RNF207: variants seen among roughly 807,000 people sequenced by gnomAD.
The protein encoded by RNF207 is OTTHUMG00000001089.
RNF207 carries 72 observed loss-of-function variants against 79.0 expected under a neutral mutation model. The ratio of observed to expected loss-of-function variants is 0.91; its 90% CI spans 0.75 to 1.11. The LOEUF (loss-of-function observed/expected upper bound fraction) is 1.11, where lower values mean the gene tolerates loss of function less well. Among genes scored for constraint, RNF207 ranks in the 50% least tolerant of loss-of-function variants. RNF207 has a pLI of 0.00. For missense variants in RNF207, 936 were observed against 855.8 expected (o/e 1.09, Z -1.17); for synonymous variants, 348 against 366.2 (o/e 0.95, Z 0.57).
chr1:6,212,585 G>T, intron 14 of RNF207, 97 bp from the exon 15 acceptor site: 6 of 1,281,932 alleles, frequency 4.7e-6, no homozygotes, highest in Non-Finnish European at 6.8e-6. Context: ...GGACCTGGCT[G>T]GGGGGTGCTT....
rs1668056170 is a variant in RNF207, at chr1:6,209,337, G to A, written c.621G>A (p.Ala207=). Residue 207 remains alanine, a synonymous_variant, in exon 6 of 18, where the codon GCG becomes GCA. Transcript: ENST00000377939. ...AGGGCTGCGAGCGGCTGGAGCAGGC[G>A]GTGCTGGTGAGCGCAGGGGCCTGGC... ...YVQGCERLEQ[A]VLAVKALQTA... The A allele has an allele frequency of 6.5e-7, 1 of 1,544,238 alleles. No individual in the cohort carries two copies. Among genetic ancestry groups the A allele is most frequent in the Non-Finnish European group, 8.7e-7 (1 of 1,146,296 alleles).
At chr1:6,209,387 G>C in intron 6 of RNF207, 27 bp from the exon 7 acceptor site, 2 of 1,524,916 alleles carry the variant, frequency 1.3e-6, no homozygotes, top group Non-Finnish European at 1.8e-6. Flanking sequence ...GGCGGCGATC[G>C]CGAGCCTGAC....
chr1:6,206,948 T>C (rs1229112776), intron 2 of RNF207, among the ~76,000 whole-genome samples: 1 of 152,186 alleles, frequency 6.6e-6, no homozygotes, highest in African/African-American at 2.4e-5. Flanking sequence ...TTGCAGTTAC[T>C]GGCCCAAGAC....
At position 6,206,793 on chromosome 1, in the gene RNF207, C is replaced by A; in HGVS notation, c.191+67C>A. On this transcript the variant is annotated intron_variant, in intron 2 of 17. Transcript: ENST00000377939. ...CCCCGGGCCCAAGGTTGGCTCTGCC[C>A]GAGCTGGGACCCAGGTGCCAGGAGA... 2.2e-6 allele frequency: 3 copies of A among 1,373,092 alleles called. No individual in the cohort carries two copies. In the South Asian group the frequency reaches 3.9e-5, roughly 18 times the overall value. The allele number at this position is 1,373,092 out of a possible 1,614,324, so 85.1% of individuals were successfully genotyped here.
chr1:6,219,389 G>C lies in RNF207; in HGVS notation c.1887G>C (p.Trp629Cys). The C allele has an allele frequency of 1.2e-6, 2 of 1,607,730 alleles. No individual in the cohort carries two copies. Among genetic ancestry groups the C allele is most frequent in the Non-Finnish European group, 8.5e-7 (1 of 1,177,330 alleles). Reference protein sequence around the residue: ...KQKNGGDVPTWREHPT With the variant: ...KQKNGGDVPTCREHPT ...AAAATGGGGGCGATGTCCCCACATGGAGGGAACACCCGACTTAGCAAATGG... is the reference window on the plus strand; with the variant it reads ...AAAATGGGGGCGATGTCCCCACATGCAGGGAACACCCGACTTAGCAAATGG... The change falls in exon 18 of 18, where the codon TGG becomes TGC. Residue 629 changes from tryptophan to cysteine, a missense_variant. Coordinates refer to ENST00000377939, the MANE Select transcript of RNF207 (RefSeq NM_207396.3).
rs780767966 is a variant in RNF207, at chr1:6,218,301, C to T, written c.1665C>T (p.Pro555=). The part of the protein sequence containing the change: ...KERLEPRFQA[P]VDEQSESLQN... ...ACTCCCTTGCCAGGTTTCAGGCACC[C>T]GTGGATGAGCAGTCAGAGAGTCTAC... Residue 555 remains proline (P), a synonymous_variant, in exon 17 of 18, where the codon CCC becomes CCT. Transcript: ENST00000377939. The T allele has an allele frequency of 8.7e-6, 14 of 1,613,616 alleles. No individual in the cohort carries two copies. Among genetic ancestry groups the T allele is most frequent in the African/African-American group, 2.7e-5 (2 of 74,926 alleles).
In RNF207 at chr1:6,209,936, G is replaced by A; in HGVS notation, c.766G>A (p.Glu256Lys). Residue 256 changes from glutamate (E) to lysine (K), a missense_variant, in exon 8 of 18, where the codon GAG becomes AAG. By Grantham distance (56) the Glu-to-Lys change is moderately conservative (BLOSUM62 1). Transcript: ENST00000377939. The part of the protein sequence containing the change: ...LFGSMQDRLA[E>K]RKALLLQAVQ... ...CCATCTCTCCCAGGACAGGCTGGCA[G>A]AGAGGAAAGCGCTGCTGCTGCAGGC... 6.3e-7 allele frequency: 1 copy of A among 1,592,062 alleles called. No individual in the cohort carries two copies. Among genetic ancestry groups the A allele is most frequent in the South Asian group, 1.1e-5 (1 of 88,574 alleles).
At chr1:6,218,020 C>A (rs998705103) in intron 16 of RNF207, among the ~76,000 whole-genome samples, 1 of 152,262 alleles carries the variant, frequency 6.6e-6, no homozygotes, top group African/African-American at 2.4e-5. Context: ...CTGCCTGGCG[C>A]CCTGCACCAC....
chr1:6,209,065 G>GGGGGGGGGGGGGGGGGGGGGGGGGGGC, intron 4 of RNF207, 40 bp downstream of exon 4: 1 of 828,578 alleles, frequency 1.2e-6, no homozygotes. Flanking sequence ...GGGGGTGGGG[G>GGGGGGGGGGGGGGGGGGGGGGGGGGGC]CGGGGCGGGC....
chr1:6,206,561 T>A lies in RNF207; in HGVS notation c.26T>A (p.Leu9Gln), dbSNP rs369840055. MSGAIFGP[L>Q]EGPSSLDAPS... Reference sequence around the variant, plus strand: ...ATGTCGGGAGCTATCTTCGGGCCCCTGGAGGGCCCGAGCTCCCTGGATGCC... The same window carrying A: ...ATGTCGGGAGCTATCTTCGGGCCCCAGGAGGGCCCGAGCTCCCTGGATGCC... The change falls in exon 2 of 18, where the codon CTG (leucine) becomes CAG (glutamine). Residue 9 changes from leucine (L) to glutamine (Q), a missense_variant. Physicochemically the swap from Leu to Gln is moderately radical, Grantham distance 113. Transcript: ENST00000377939. The A allele has an allele frequency of 4.1e-5, 66 of 1,593,220 alleles. No homozygotes were observed. The highest frequency in any genetic ancestry group is 5.3e-5 in the Non-Finnish European group (62 of 1,176,346).
rs866055621 is a variant in RNF207 at position 6,209,532 on chromosome 1, G to A, written c.746G>A (p.Ser249Asn). ...EEDAIHALFG[S>N]MQDRLAERKA... ...GACGCTATCCACGCCCTCTTCGGCA[G>A]CATGCAGGTGAGGGGTGGGGGTTGG... Residue 249 changes from serine to asparagine, a missense_variant, in exon 7 of 18, where the codon AGC becomes AAC. Coordinates refer to ENST00000377939, the MANE Select transcript of RNF207 (RefSeq NM_207396.3). 1 of 1,463,574 alleles carries A rather than the reference G, an allele frequency of 6.8e-7. No homozygotes were observed. The highest frequency in any genetic ancestry group is 9.0e-7 in the Non-Finnish European group (1 of 1,115,888). 90.7% of individuals were successfully genotyped at this position (1,463,574 alleles called of 1,614,324 possible).
intron 14 of RNF207, 129 bp downstream of exon 14, chr1:6,212,545 A>G (rs1668219493): frequency 2.4e-6 from 3 of 1,245,054 alleles, no homozygotes; most frequent in Non-Finnish European, 2.3e-6. Context: ...GGGTCTGGAA[A>G]CTGGGAGTCT....
At chr1:6,218,465 C>A in intron 17 of RNF207, 96 bp downstream of exon 17, 2 of 936,696 alleles carry the variant, frequency 2.1e-6, no homozygotes, top group Admixed American at 2.2e-5. Context: ...CCCTTTGGCG[C>A]CAGCTCTGGG....
At chr1:6,206,801 G>C in intron 2 of RNF207, 75 bp downstream of exon 2, 3 of 1,290,566 alleles carry the variant, frequency 2.3e-6, no homozygotes, top group African/African-American at 1.5e-5. Context: ...CCCGAGCTGG[G>C]ACCCAGGTGC....
Position 6,208,901 on chromosome 1 carries a change from C to T in RNF207, c.345C>T (p.Phe115=), listed in dbSNP as rs763372809. ...CSEQDVETTY[F]CNTCGQPLCA... is the part of the protein sequence containing the mutation. ...CGCAGGACGTGGAGACCACGTACTT[C>T]TGCAACACGTGCGGACAGCCCCTAT... Residue 115 remains phenylalanine, a synonymous_variant, in exon 4 of 18, where the codon TTC becomes TTT. Coordinates refer to ENST00000377939, the MANE Select transcript of RNF207 (RefSeq NM_207396.3). 6.5e-7 allele frequency: 1 copy of T among 1,533,088 alleles called. No individual in the cohort carries two copies. Among genetic ancestry groups the T allele is most frequent in the African/African-American group, 1.4e-5 (1 of 72,616 alleles). The allele number at this position is 1,533,088 out of a possible 1,614,324, so 95.0% of individuals were successfully genotyped here.
chr1:6,210,884 G>A lies in RNF207; in HGVS notation c.957G>A (p.Arg319=), dbSNP rs771202786. 1.2e-6 allele frequency: 2 copies of A among 1,602,346 alleles called. No individual in the cohort carries two copies. The highest frequency in any genetic ancestry group is 1.7e-6 in the Non-Finnish European group (2 of 1,175,690). ...FLDLGYELME[R]LQGIVTRPHH... ...CACTGCCACAGGAGCTGATGGAGAG[G>A]CTGCAGGGCATCGTCACGCGGCCGC... Residue 319 remains arginine, a synonymous_variant, in exon 11 of 18, where the codon AGG becomes AGA. Coordinates refer to ENST00000377939, the MANE Select transcript of RNF207 (RefSeq NM_207396.3).
chr1:6,217,061 G>T lies in RNF207; in HGVS notation c.1653-1228G>T, dbSNP rs1668385570. Reference sequence around the variant, plus strand: ...ATTTTTATAGTTTTGGTAGAGATGGGGTTGTGCTATGTTGCCAAAGATGGT... The same window carrying T: ...ATTTTTATAGTTTTGGTAGAGATGGTGTTGTGCTATGTTGCCAAAGATGGT... On this transcript the variant is annotated intron_variant, in intron 16 of 17. Coordinates refer to ENST00000377939, the MANE Select transcript of RNF207 (RefSeq NM_207396.3). The surrounding 1 kb of genome is among the most constrained non-coding windows in gnomAD (Gnocchi z 4.2). Among the ~76,000 whole-genome samples, 1 of 151,904 alleles carries T rather than the reference G, an allele frequency of 6.6e-6. No homozygotes were observed. The highest frequency in any genetic ancestry group is 6.6e-5 in the Admixed American group (1 of 15,252).
chr1:6,207,505 C>A lies in RNF207; in HGVS notation c.318C>A (p.Ser106Arg), dbSNP rs1330531112. 5.0e-6 allele frequency: 8 copies of A among 1,601,616 alleles called. No homozygotes were observed. In the African/African-American group the frequency reaches 5.4e-5, roughly 11 times the overall value. The change falls in exon 3 of 18, where the codon AGC (serine) becomes AGA (arginine). Residue 106 changes from serine to arginine, a missense_variant. By Grantham distance (110) the Ser-to-Arg change is moderately radical (BLOSUM62 -1). Coordinates refer to ENST00000377939, the MANE Select transcript of RNF207 (RefSeq NM_207396.3). This position sits in a 1 kb window ranked among gnomAD's most constrained non-coding sequence, Gnocchi z 4.5. Reference sequence around the variant, plus strand: ...GTGCCAACTGTGACCTGGAGTGCAGCGAGCAGGCAGGGGCGGCAGGGCGGG... The same window carrying A: ...GTGCCAACTGTGACCTGGAGTGCAGAGAGCAGGCAGGGGCGGCAGGGCGGG... ...VRCANCDLEC[S>R]EQDVETTYFC...
chr1:6,219,204 C>T lies in RNF207; in HGVS notation c.1734-32C>T, dbSNP rs769850698. The stretch of plus-strand genomic sequence containing the variant: ...GCAGGGATATGGTGAAATGGGGGAG[C>T]GGGCTGGGCTTACATGAGGCTGTCC... On this transcript the variant is annotated intron_variant, in intron 17 of 17. Coordinates refer to ENST00000377939, the MANE Select transcript of RNF207 (RefSeq NM_207396.3). 1.5e-5 allele frequency: 23 copies of T among 1,557,048 alleles called. 1 individual carries two copies. The South Asian group carries it at 1.9e-4, about 13-fold the overall frequency.
Sources: allele counts gnomAD v4.1 joint callset (sites outside exome capture counted in the v4.1 genomes callset), GRCh38; gene constraint gnomAD v4.1.1; non-coding constraint Gnocchi (gnomAD v3.1); transcripts MANE v1.5; gene names NCBI Gene and HGNC (gene_info 2026-07-23, HGNC 2026-07-21).